Variants in AREL1 observed in about 807,000 individuals in gnomAD.
AREL1 encodes apoptosis-resistant E3 ubiquitin protein ligase 1.
AREL1 carries 62 observed loss-of-function variants against 99.0 expected under a neutral mutation model. The ratio of observed to expected loss-of-function variants is 0.63; its 90% confidence interval spans 0.51 to 0.77. The LOEUF is 0.77. AREL1 is among the 30% of genes least tolerant of loss of function. The pLI is 0.00. For synonymous variants in AREL1, 380 were observed against 376.5 expected, an observed-to-expected ratio of 1.01 and a Z score of -0.11; for missense variants, 879 against 1,027.6, an observed-to-expected ratio of 0.86 and a Z score of 1.98.
chr14:74,662,427 G>C lies in AREL1; in HGVS notation c.*1293C>G. The stretch of plus-strand genomic sequence containing the variant: ...AAAGCCTTCTTAAAAACACAAATTT[G>C]GGAAGTCAATGAGATTTTGAATCTT... On this transcript the variant is annotated 3_prime_UTR_variant, in exon 20 of 20. Coordinates refer to ENST00000356357, the MANE Select transcript of AREL1 (RefSeq NM_001039479.2). 2.5e-6 allele frequency: 1 copy of C among 396,154 alleles called. No homozygotes were observed. Among genetic ancestry groups the C allele is most frequent in the Non-Finnish European group, 4.5e-6 (1 of 224,702 alleles). 24.5% of individuals were successfully genotyped at this position (396,154 alleles called of 1,614,324 possible). A position where few individuals can be genotyped will look rare whatever the true frequency, so the allele number is the denominator to read the frequency against.
chr14:74,667,674 T>C lies in AREL1; in HGVS notation c.1915-80A>G, dbSNP rs992448510. ...AGATGACATCTGCCTGGATGTTTTA[T>C]AGACACAGATTACTGACCTCCATCA... On this transcript the variant is annotated intron_variant, in intron 15 of 19. Coordinates refer to ENST00000356357, the MANE Select transcript of AREL1 (RefSeq NM_001039479.2). 1.3e-4 allele frequency: 201 copies of C among 1,503,354 alleles called. 1 individual carries two copies. In the East Asian group the frequency reaches 2.3e-3, roughly 17 times the overall value. The allele number at this position is 1,503,354 out of a possible 1,614,324, so 93.1% of individuals were successfully genotyped here. A position where few individuals can be genotyped will look rare whatever the true frequency, so the allele number is the denominator to read the frequency against.
chr14:74,707,619 C>T (rs1267593322), intron 1 of AREL1, among the ~76,000 whole-genome samples: 3 of 151,974 alleles, frequency 2.0e-5, no homozygotes, highest in Admixed American at 1.3e-4. Context: ...CATGTGAAAC[C>T]CCGTCTCTAC....
intron 1 of AREL1, among the ~76,000 whole-genome samples, chr14:74,703,912 A>C (rs934422381): frequency 6.6e-6 from 1 of 152,196 alleles, no homozygotes; most frequent in African/African-American, 2.4e-5. Flanking sequence ...GAAACTGCCA[A>C]ACCGTTTACC....
intron 8 of AREL1, 84 bp downstream of exon 8, chr14:74,675,615 G>T (rs1465873029): frequency 2.0e-6 from 3 of 1,525,242 alleles, no homozygotes; most frequent in African/African-American, 2.7e-5. Context: ...TTCTCAGACT[G>T]TTACTTTGTG....
At chr14:74,680,874 C>A (rs2089612087) in intron 5 of AREL1, among the ~76,000 whole-genome samples, 1 of 152,108 alleles carries the variant, frequency 6.6e-6, no homozygotes, top group Non-Finnish European at 1.5e-5. Flanking sequence ...CCAAAACCCC[C>A]AAAAATCCAA....
At chr14:74,684,724 T>C in intron 3 of AREL1, 44 bp from the exon 4 acceptor site, 1 of 1,563,046 alleles carries the variant, frequency 6.4e-7, no homozygotes, top group Admixed American at 1.7e-5. Flanking sequence ...CAGTTACACA[T>C]TACAGCTTTT....
At chr14:74,705,259 G>A (rs1162809543) in intron 1 of AREL1, among the ~76,000 whole-genome samples, 7 of 152,206 alleles carry the variant, frequency 4.6e-5, no homozygotes, top group East Asian at 1.9e-4. Context: ...GGCTGGTCTC[G>A]AACTCCCGAC....
At chr14:74,668,884 T>A (rs1198866742) in intron 15 of AREL1, among the ~76,000 whole-genome samples, 1 of 152,092 alleles carries the variant, frequency 6.6e-6, no homozygotes, top group Non-Finnish European at 1.5e-5. Context: ...AAAGTTTTGG[T>A]TTTATTATTT....
At chr14:74,709,355 T>C (rs1566708061) in intron 1 of AREL1, among the ~76,000 whole-genome samples, 1 of 152,230 alleles carries the variant, frequency 6.6e-6, no homozygotes, top group Admixed American at 6.5e-5. Flanking sequence ...ATGTTGATAG[T>C]ATTAAATAAA....
rs765007554 is a variant in AREL1 at position 74,663,691 on chromosome 14, T to C, written c.*29A>G. On this transcript the variant is annotated 3_prime_UTR_variant, in exon 20 of 20. Transcript: ENST00000356357. ...TTGCGCCCAGAAGCTCCAGAGAGCA[T>C]GGGAGCCAACTGGATGACAGGAGAG... The C allele has an allele frequency of 2.4e-5, 38 of 1,602,128 alleles. No homozygotes were observed. Among genetic ancestry groups the C allele is most frequent in the Non-Finnish European group, 2.1e-5 (24 of 1,170,168 alleles).
intron 5 of AREL1, among the ~76,000 whole-genome samples, chr14:74,682,453 A>C (rs1454606255): frequency 6.6e-6 from 1 of 152,254 alleles, no homozygotes; most frequent in African/African-American, 2.4e-5. Flanking sequence ...TGCTTACAGT[A>C]CCCAAAAGTA....
intron 9 of AREL1, 67 bp downstream of exon 9, chr14:74,673,967 A>G: frequency 7.2e-7 from 1 of 1,397,836 alleles, no homozygotes; most frequent in African/African-American, 1.4e-5. Flanking sequence ...CTGAGAAAAA[A>G]TAAAAGGCTG....
chr14:74,697,338 G>A (rs2089996671), intron 1 of AREL1, among the ~76,000 whole-genome samples: 1 of 152,180 alleles, frequency 6.6e-6, no homozygotes, highest in South Asian at 2.1e-4. Flanking sequence ...ATTCTCCACA[G>A]AGAAGCACCA....
chr14:74,666,796 T>C (rs1018996746), intron 17 of AREL1, among the ~76,000 whole-genome samples: 25 of 151,448 alleles, frequency 1.7e-4, no homozygotes, highest in Non-Finnish European at 2.4e-4. Flanking sequence ...CTCGGATCAC[T>C]GCAACTTCCG....
At chr14:74,692,878 T>C (rs1289835047) in intron 1 of AREL1, among the ~76,000 whole-genome samples, 2 of 152,020 alleles carry the variant, frequency 1.3e-5, no homozygotes, top group Non-Finnish European at 2.9e-5. Flanking sequence ...TAATTTTTTA[T>C]TTGTGTTTTT....
At chr14:74,665,432 G>T (rs938673653) in intron 17 of AREL1, among the ~76,000 whole-genome samples, 2 of 152,030 alleles carry the variant, frequency 1.3e-5, no homozygotes, top group African/African-American at 2.4e-5. Flanking sequence ...TGCTACTATG[G>T]ATTATTTTTA....
chr14:74,669,984 A>G lies in AREL1; in HGVS notation c.1751T>C (p.Phe584Ser). The part of the protein sequence containing the change: ...QLVRARFTRS[F>S]LAQIIGLRMH... ...ACGCAGTCCTATGATTTGGGCCAGG[A>G]AAGAGCGGGTGAAGCGAGCTCGGAC... The change falls in exon 14 of 20, where the codon TTC becomes TCC. Residue 584 changes from phenylalanine to serine, a missense_variant. By Grantham distance (155) the Phe-to-Ser change is radical. Transcript: ENST00000356357. 6.2e-7 allele frequency: 1 copy of G among 1,613,644 alleles called. No homozygotes were observed. The highest frequency in any genetic ancestry group is 8.5e-7 in the Non-Finnish European group (1 of 1,179,706).
chr14:74,686,767 T>C (rs888507492), intron 2 of AREL1, among the ~76,000 whole-genome samples: 1 of 152,052 alleles, frequency 6.6e-6, no homozygotes, highest in Non-Finnish European at 1.5e-5. Flanking sequence ...GGAATGACCG[T>C]CAAAAGTTTC....
chr14:74,688,537 A>C (rs571620688), intron 2 of AREL1, among the ~76,000 whole-genome samples: 1 of 152,178 alleles, frequency 6.6e-6, no homozygotes, highest in South Asian at 2.1e-4. Flanking sequence ...TTTCTGCCCC[A>C]CCTCTATTCA....
Sources: gnomAD v4.1 joint callset for allele counts (sites outside exome capture counted in the v4.1 genomes callset) on GRCh38, gnomAD v4.1.1 for gene constraint, MANE v1.5 for transcripts, NCBI Gene and HGNC (gene_info 2026-07-23, HGNC 2026-07-21) for gene names.